MEIKIN: variants seen among roughly 807,000 people sequenced by gnomAD.
MEIKIN encodes meiosis-specific kinetochore protein.
intron 9 of MEIKIN, among the ~76,000 whole-genome samples, chr5:131,857,545 C>T (rs753611256): frequency 2.6e-5 from 4 of 152,146 alleles, no homozygotes; most frequent in South Asian, 2.1e-4. Context: ...ATGGCATGCC[C>T]GCTTGTGGCA....
chr5:131,850,571 G>A (rs555680266), intron 11 of MEIKIN, among the ~76,000 whole-genome samples: 2 of 152,192 alleles, frequency 1.3e-5, no homozygotes, highest in Admixed American at 1.3e-4. Flanking sequence ...CCATTCAATG[G>A]GGGAAAGGAT....
chr5:131,919,785 T>G (rs1751474653), intron 6 of MEIKIN, among the ~76,000 whole-genome samples: 1 of 151,760 alleles, frequency 6.6e-6, no homozygotes, highest in Non-Finnish European at 1.5e-5. Flanking sequence ...GAGAAAGGGG[T>G]AGAAAGAAGA....
chr5:131,811,618 T>C (rs1003770304), intron 12 of MEIKIN, among the ~76,000 whole-genome samples: 1 of 150,748 alleles, frequency 6.6e-6, no homozygotes, highest in Non-Finnish European at 1.5e-5. Flanking sequence ...ACTTCTTCTT[T>C]TTTTTTTTGA....
intron 8 of MEIKIN, among the ~76,000 whole-genome samples, chr5:131,885,230 C>T (rs1209261099): frequency 6.6e-6 from 1 of 151,986 alleles, no homozygotes; most frequent in Non-Finnish European, 1.5e-5. Context: ...GGGTGAGACC[C>T]AGTGCTGTGC....
At chr5:131,886,177 C>T (rs1459240407) in intron 8 of MEIKIN, among the ~76,000 whole-genome samples, 2 of 151,914 alleles carry the variant, frequency 1.3e-5, no homozygotes, top group African/African-American at 2.4e-5. Context: ...AAAATAGCTT[C>T]GAAACGGCAA....
chr5:131,881,008 C>A (rs775158491), intron 8 of MEIKIN, among the ~76,000 whole-genome samples: 1 of 152,056 alleles, frequency 6.6e-6, no homozygotes, highest in South Asian at 2.1e-4. Context: ...TCTGTTAATC[C>A]TAGAGACTAA....
chr5:131,914,057 C>T (rs924803258), intron 7 of MEIKIN, among the ~76,000 whole-genome samples: 3 of 152,184 alleles, frequency 2.0e-5, no homozygotes, highest in African/African-American at 4.8e-5. Flanking sequence ...GGGAATGGTA[C>T]GATTGGCTTT....
intron 9 of MEIKIN, among the ~76,000 whole-genome samples, chr5:131,874,980 G>C (rs773939072): frequency 3.7e-4 from 57 of 152,266 alleles, no homozygotes; most frequent in Non-Finnish European, 6.9e-4. Context: ...ATTAGGTATT[G>C]ATGGGACGTA....
intron 3 of MEIKIN, among the ~76,000 whole-genome samples, chr5:131,943,034 T>C (rs1461396903): frequency 6.6e-6 from 1 of 152,034 alleles, no homozygotes; most frequent in Non-Finnish European, 1.5e-5. Flanking sequence ...GAGGCAAATA[T>C]ATAAATCAAA....
chr5:131,933,743 T>C (rs1751726506), intron 4 of MEIKIN, 102 bp from the exon 5 acceptor site: 5 of 389,486 alleles, frequency 1.3e-5, no homozygotes, highest in Non-Finnish European at 1.8e-5. Context: ...TAGTTATATA[T>C]TATTACTAGA....
chr5:131,829,529 T>C (rs994394610), intron 11 of MEIKIN, among the ~76,000 whole-genome samples: 1 of 152,084 alleles, frequency 6.6e-6, no homozygotes, highest in Admixed American at 6.5e-5. Context: ...AAATTTGTGG[T>C]AAATTTGGTG....
At chr5:131,834,716 A>C (rs576869194) in intron 11 of MEIKIN, among the ~76,000 whole-genome samples, 1 of 152,186 alleles carries the variant, frequency 6.6e-6, no homozygotes, top group Non-Finnish European at 1.5e-5. Context: ...GTCAATGGAC[A>C]CTTGTGTTGT....
intron 9 of MEIKIN, among the ~76,000 whole-genome samples, chr5:131,862,661 C>A (rs191879121): frequency 3.9e-5 from 6 of 151,940 alleles, no homozygotes; most frequent in African/African-American, 1.5e-4. Flanking sequence ...ATATTCCATA[C>A]GTTTTGGTGT....
intron 11 of MEIKIN, among the ~76,000 whole-genome samples, chr5:131,832,339 T>G (rs888931507): frequency 4.6e-5 from 7 of 152,208 alleles, no homozygotes; most frequent in African/African-American, 7.2e-5. Context: ...ACTCCAGGTC[T>G]CACATCTAGG....
chr5:131,832,146 A>G (rs1335570165), intron 11 of MEIKIN, among the ~76,000 whole-genome samples: 1 of 152,184 alleles, frequency 6.6e-6, no homozygotes, highest in African/African-American at 2.4e-5. Context: ...CCTTCCGCCT[A>G]TGAGCCTCTA....
At chr5:131,845,612 C>CAAA (rs34164950) in intron 11 of MEIKIN, among the ~76,000 whole-genome samples, 34 of 149,200 alleles carry the variant, frequency 2.3e-4, no homozygotes, top group African/African-American at 3.7e-4. Context: ...TCAAAAGAAG[C>CAAA]AAAAAAAAAA....
chr5:131,932,197 T>G (rs1247263142), intron 5 of MEIKIN, among the ~76,000 whole-genome samples: 1 of 152,220 alleles, frequency 6.6e-6, no homozygotes, highest in Non-Finnish European at 1.5e-5. Flanking sequence ...GGATGTACAC[T>G]TTTACTTAAT....
At chr5:131,885,341 AAGAGAGAGAG>A (rs57363906) in intron 8 of MEIKIN, among the ~76,000 whole-genome samples, 2 of 61,978 alleles carry the variant, frequency 3.2e-5, no homozygotes, top group South Asian at 5.3e-4. Context: ...TCAGAACTGA[AAGAGAGAGAG>A]AGAGAGAGAG....
chr5:131,866,814 T>C (rs1199185700), intron 9 of MEIKIN, among the ~76,000 whole-genome samples: 1 of 152,120 alleles, frequency 6.6e-6, no homozygotes, highest in Non-Finnish European at 1.5e-5. Context: ...ATGGGGAAGT[T>C]TTTTTATTGC....
Sources: gnomAD v4.1 joint callset for allele counts (sites outside exome capture counted in the v4.1 genomes callset) on GRCh38, gnomAD v4.1.1 for gene constraint, MANE v1.5 for transcripts, NCBI Gene and HGNC (gene_info 2026-07-23, HGNC 2026-07-21) for gene names.